The following PPP4R4 variants were observed in gnomAD, a reference collection of about 807,000 sequenced individuals.
The protein encoded by PPP4R4 is protein phosphatase 4 regulatory subunit 4, also known as serine/threonine-protein phosphatase 4 regulatory subunit 4.
In PPP4R4, 70 loss-of-function variants were observed where a neutral mutation model predicts 121.8. That is an observed-to-expected ratio of 0.57 (90% confidence interval 0.47 to 0.70). The LOEUF (loss-of-function observed/expected upper bound fraction) is 0.70. Among genes scored for constraint, PPP4R4 ranks in the 30% least tolerant of loss-of-function variants. The pLI, the probability that PPP4R4 is intolerant of heterozygous loss-of-function variation, is 0.00. For synonymous variants in PPP4R4, 348 were observed against 355.7 expected (o/e 0.98, Z 0.24); for missense variants, 875 against 1,033.6 (o/e 0.85, Z 2.10).
At chr14:94,244,536 GA>G in intron 11 of PPP4R4, 98 bp from the exon 12 acceptor site, 1 of 986,260 alleles carries the variant, frequency 1.0e-6, no homozygotes, top group Non-Finnish European at 1.4e-6. Flanking sequence ...CTTTATTTTA[GA>G]AGAAATATAT....
chr14:94,190,632 A>G (rs1889542691), intron 2 of PPP4R4, among the ~76,000 whole-genome samples: 1 of 152,120 alleles, frequency 6.6e-6, no homozygotes, highest in Non-Finnish European at 1.5e-5. Flanking sequence ...AATAAAATAG[A>G]AAGTATTTTA....
intron 10 of PPP4R4, 77 bp from the exon 11 acceptor site, chr14:94,242,212 G>A (rs1892669709): frequency 7.5e-6 from 11 of 1,476,094 alleles, no homozygotes; most frequent in Non-Finnish European, 9.3e-6. Context: ...CAATTTAAGT[G>A]AAACGATTAT....
intron 2 of PPP4R4, among the ~76,000 whole-genome samples, chr14:94,204,419 C>G (rs1890354471): frequency 6.6e-6 from 1 of 151,970 alleles, no homozygotes; most frequent in Admixed American, 6.6e-5. Flanking sequence ...TCTGGGTTCT[C>G]TCTTCTGTTC....
chr14:94,214,521 G>A (rs200894649), intron 3 of PPP4R4, among the ~76,000 whole-genome samples: 1 of 146,930 alleles, frequency 6.8e-6, no homozygotes, highest in East Asian at 2.0e-4. Flanking sequence ...AAAAAAAACA[G>A]AAAAAAAAAG....
rs968564600 is a variant in PPP4R4 at position 94,251,827 on chromosome 14, A to C, written c.1796A>C (p.Lys599Thr). ...TCEFIIEIFSKSFFCKYFFLP... is the reference protein window; with the variant it reads ...TCEFIIEIFSTSFFCKYFFLP... ...GAATTTATTATAGAGATATTTTCAAAATCATTTTTCTGTAAATATTTCTTT... is the reference window on the plus strand; with the variant it reads ...GAATTTATTATAGAGATATTTTCAACATCATTTTTCTGTAAATATTTCTTT... The change falls in exon 16 of 25, where the codon AAA becomes ACA. Residue 599 changes from lysine (K) to threonine (T), a missense_variant. Transcript: ENST00000304338. The C allele has an allele frequency of 1.3e-6, 2 of 1,599,194 alleles. No individual in the cohort carries two copies. Among genetic ancestry groups the C allele is most frequent in the Non-Finnish European group, 1.7e-6 (2 of 1,170,128 alleles).
intron 3 of PPP4R4, among the ~76,000 whole-genome samples, chr14:94,217,211 G>C (rs1891069131): frequency 6.6e-6 from 1 of 152,050 alleles, no homozygotes; most frequent in African/African-American, 2.4e-5. Context: ...ACCGCCTGCT[G>C]AAAACTGAGG....
In PPP4R4 at chr14:94,267,032, A is replaced by G. The variant is rs1166694636; in HGVS notation, c.2449+3A>G. The G allele has an allele frequency of 2.5e-5, 40 of 1,574,964 alleles. No individual in the cohort carries two copies. The highest frequency in any genetic ancestry group is 3.4e-5 in the Non-Finnish European group (39 of 1,149,306). The stretch of plus-strand genomic sequence containing the variant: ...GACTTCTGTGCTTTCACTAGCTGGT[A>G]AGTAGCAATCTAAGTTCTTCAAAAA... On this transcript the variant is annotated splice_donor_region_variant and intron_variant, in intron 23 of 24. Transcript: ENST00000304338.
intron 4 of PPP4R4, 34 bp downstream of exon 4, chr14:94,230,768 T>G (rs748497841): frequency 2.0e-4 from 310 of 1,567,624 alleles, no homozygotes; most frequent in Non-Finnish European, 2.5e-4. Flanking sequence ...TATATACTTG[T>G]TTATTGTTTT....
intron 23 of PPP4R4, among the ~76,000 whole-genome samples, chr14:94,270,854 G>T (rs1894284531): frequency 6.6e-6 from 1 of 150,538 alleles, no homozygotes; most frequent in South Asian, 2.1e-4. Context: ...GGAGGACGAG[G>T]TTGCAGTGAG....
At chr14:94,250,573 T>C (rs1327327561) in intron 15 of PPP4R4, among the ~76,000 whole-genome samples, 2 of 151,994 alleles carry the variant, frequency 1.3e-5, no homozygotes. Flanking sequence ...AAAATATAAA[T>C]AGAATATCCA....
chr14:94,213,051 C>T (rs2139463091), intron 3 of PPP4R4, among the ~76,000 whole-genome samples: 1 of 152,276 alleles, frequency 6.6e-6, no homozygotes, highest in Admixed American at 6.5e-5. Context: ...GTGTCAGGCA[C>T]TGTATTCTGT....
intron 9 of PPP4R4, 30 bp from the exon 10 acceptor site, chr14:94,241,758 T>C (rs763274130): frequency 2.0e-6 from 3 of 1,501,922 alleles, no homozygotes; most frequent in East Asian, 4.7e-5. Context: ...TCAATTGAAA[T>C]GTTGAGCTAG....
At position 94,256,489 on chromosome 14, in the gene PPP4R4, T is replaced by C; in HGVS notation, c.1895T>C (p.Val632Ala). 2 of 1,601,768 alleles carry C rather than the reference T, an allele frequency of 1.2e-6. No homozygotes were observed. The highest frequency in any genetic ancestry group is 1.7e-6 in the Non-Finnish European group (2 of 1,170,888). ...AAACTTTGCTACCTGTTGCCCAAAG[T>C]GAAATCTACTCTGAAGATTCCTGCT... Reference protein sequence around the residue: ...RMKLCYLLPKVKSTLKIPADK... With the variant: ...RMKLCYLLPKAKSTLKIPADK... Residue 632 changes from valine (V) to alanine (A), a missense_variant, in exon 17 of 25, where the codon GTG (valine) becomes GCG (alanine). Transcript: ENST00000304338.
chr14:94,230,343 A>G (rs1227239778), intron 3 of PPP4R4, among the ~76,000 whole-genome samples: 5 of 152,200 alleles, frequency 3.3e-5, no homozygotes, highest in Non-Finnish European at 5.9e-5. Context: ...TTTTTATTCA[A>G]TAAAGCGGTG....
chr14:94,197,375 T>C (rs539568470), intron 2 of PPP4R4, among the ~76,000 whole-genome samples: 4 of 152,256 alleles, frequency 2.6e-5, no homozygotes, highest in South Asian at 2.1e-4. Flanking sequence ...CACGTAGTTA[T>C]GGTGTAGATG....
rs1181031038 is a variant in PPP4R4 at position 94,279,356 on chromosome 14, G to C, written c.*713G>C. 2 of 152,440 alleles carry C rather than the reference G, an allele frequency of 1.3e-5. No individual in the cohort carries two copies. Among genetic ancestry groups the C allele is most frequent in the South Asian group, 4.1e-4 (2 of 4,830 alleles). The allele number at this position is 152,440 out of a possible 1,614,324, so 9.4% of individuals were successfully genotyped here. ...AAATACTTTGTTTACATTTTAGATT[G>C]TACTTGTCTTTATTTAAAATGATGA... On this transcript the variant is annotated 3_prime_UTR_variant, in exon 25 of 25. Transcript: ENST00000304338.
chr14:94,231,265 A>T lies in PPP4R4; in HGVS notation c.466A>T (p.Thr156Ser), dbSNP rs767375101. ...DTGVSNAWLE[T>S]LLSVIEVLPK... is the part of the protein sequence containing the mutation. The stretch of plus-strand genomic sequence containing the variant: ...AGGTGTCAGCAATGCATGGCTGGAA[A>T]CTCTTCTGTCTGTTATAGAAGTATT... Residue 156 changes from threonine (T) to serine (S), a missense_variant, in exon 5 of 25, where the codon ACT (threonine) becomes TCT (serine). Physicochemically the swap from Thr to Ser is moderately conservative, Grantham distance 58. Coordinates refer to ENST00000304338, the MANE Select transcript of PPP4R4 (RefSeq NM_058237.2). 1 of 1,612,266 alleles carries T rather than the reference A, an allele frequency of 6.2e-7. No homozygotes were observed. Among genetic ancestry groups the T allele is most frequent in the Non-Finnish European group, 8.5e-7 (1 of 1,178,732 alleles).
At chr14:94,213,655 A>G (rs943022443) in intron 3 of PPP4R4, among the ~76,000 whole-genome samples, 4 of 152,184 alleles carry the variant, frequency 2.6e-5, no homozygotes. Context: ...GAAGAATGCA[A>G]TGTGAAGATG....
intron 1 of PPP4R4, 88 bp downstream of exon 1, chr14:94,174,670 C>G (rs893327365): frequency 3.3e-6 from 5 of 1,512,136 alleles, no homozygotes; most frequent in Non-Finnish European, 3.5e-6. Context: ...ACGCCACCAC[C>G]CTCCCCTCCT....
Sources: gnomAD v4.1 joint callset for allele counts (sites outside exome capture counted in the v4.1 genomes callset) on GRCh38, gnomAD v4.1.1 for gene constraint, MANE v1.5 for transcripts, NCBI Gene and HGNC (gene_info 2026-07-23, HGNC 2026-07-21) for gene names.